TTN: variants seen among roughly 807,000 people sequenced by gnomAD.
The protein encoded by TTN is titin.
In TTN, 1,525 loss-of-function variants were observed where a neutral mutation model predicts 3,223.0. That is an observed-to-expected ratio of 0.47 (90% CI 0.45 to 0.49). The LOEUF is 0.49. Among genes scored for constraint, TTN ranks in the 20% least tolerant of loss-of-function variants. The pLI is 0.00. For missense variants in TTN, 40,786 were observed against 43,424.0 expected, an observed-to-expected ratio of 0.94 and a Z score of 5.40; for synonymous variants, 14,094 against 15,161.0, an observed-to-expected ratio of 0.93 and a Z score of 5.17.
At position 178,729,920 on chromosome 2, in the gene TTN, G is replaced by A; in HGVS notation, c.18333C>T (p.Pro6111=). ...VKEPPQFIKK[P]SPVLVLRNGQ... is the part of the protein sequence containing the mutation. ...CATTCCTCAGCACTAAGACTGGACT[G>A]GGCTTCTTAATGAATTGAGGAGGTT... The change falls in exon 63 of 363, where the codon CCC becomes CCT. Residue 6111 remains proline, a synonymous_variant. Coordinates refer to ENST00000589042, the MANE Select transcript of TTN (RefSeq NM_001267550.2). 1.2e-6 allele frequency: 2 copies of A among 1,612,814 alleles called. No individual in the cohort carries two copies. Among genetic ancestry groups the A allele is most frequent in the Non-Finnish European group, 1.7e-6 (2 of 1,179,432 alleles).
rs752142832 is a variant in TTN at position 178,607,844 on chromosome 2, T to C, written c.52943A>G (p.Asn17648Ser). 9 of 1,613,066 alleles carry C rather than the reference T, an allele frequency of 5.6e-6. No individual in the cohort carries two copies. The highest frequency in any genetic ancestry group is 1.7e-5 in the Admixed American group (1 of 59,966). The change falls in exon 276 of 363, where the codon AAT becomes AGT. Residue 17648 changes from asparagine to serine, a missense_variant. Transcript: ENST00000589042. ...TCCAGGCGGTCCTTCCCCTGCGGCA[T>C]TGACAGCACTCACCCGAAGTTTGTA... is the stretch of plus-strand genomic sequence containing the variant. ...ADYKLRVSAVNAAGEGPPGET... is the reference protein window; with the variant it reads ...ADYKLRVSAVSAAGEGPPGET...
Position 178,574,028 on chromosome 2 carries a change from A to T in TTN, c.72104T>A (p.Phe24035Tyr), listed in dbSNP as rs759861907. ...TGCTTTTAATATAACCGTGTCCTTA[A>T]ATTTAACATCCACCTTTATCTTTGG... The part of the protein sequence containing the change: ...EAPKIKVDVK[F>Y]KDTVILKAGE... Residue 24035 changes from phenylalanine to tyrosine, a missense_variant, in exon 326 of 363, where the codon TTT becomes TAT. Transcript: ENST00000589042. 3.7e-6 allele frequency: 6 copies of T among 1,613,314 alleles called. No individual in the cohort carries two copies. The highest frequency in any genetic ancestry group is 5.1e-6 in the Non-Finnish European group (6 of 1,179,616).
rs902238336 is a variant in TTN, at chr2:178,614,311, A to G, written c.49086T>C (p.Asp16362=). The change falls in exon 262 of 363, where the codon GAT becomes GAC. Residue 16362 remains aspartate, a synonymous_variant. Transcript: ENST00000589042. The part of the protein sequence containing the change: ...PGPPAAFDIT[D]VTNESCLLTW... ...TTAGAAGACATGACTCATTGGTTAC[A>G]TCTGTGATGTCAAAGGCAGCTGGTG... 1.9e-6 allele frequency: 3 copies of G among 1,612,616 alleles called. No individual in the cohort carries two copies. The highest frequency in any genetic ancestry group is 2.5e-6 in the Non-Finnish European group (3 of 1,179,258).
chr2:178,774,285 C>A lies in TTN; in HGVS notation c.6979G>T (p.Asp2327Tyr), dbSNP rs1554002409. ...RRGRQNLTVK[D>Y]VTKEDQGEYS... Reference sequence around the variant, plus strand: ...TCTCCCTGGTCCTCCTTGGTTACATCCTTGACCGTGAGGTTCTGACGTCCA... The same window carrying A: ...TCTCCCTGGTCCTCCTTGGTTACATACTTGACCGTGAGGTTCTGACGTCCA... Residue 2327 changes from aspartate to tyrosine, a missense_variant, in exon 30 of 363, where the codon GAT becomes TAT. By Grantham distance (160) the Asp-to-Tyr change is radical (BLOSUM62 -3). Coordinates refer to ENST00000589042, the MANE Select transcript of TTN (RefSeq NM_001267550.2). The A allele has an allele frequency of 1.2e-6, 2 of 1,613,952 alleles. No homozygotes were observed. Among genetic ancestry groups the A allele is most frequent in the African/African-American group, 1.3e-5 (1 of 74,914 alleles).
Position 178,575,854 on chromosome 2 carries a change from G to A in TTN, c.70278C>T (p.Gly23426=), listed in dbSNP as rs1007006087. The change falls in exon 326 of 363, where the codon GGC becomes GGT. Residue 23426 remains glycine, a synonymous_variant. Coordinates refer to ENST00000589042, the MANE Select transcript of TTN (RefSeq NM_001267550.2). This position sits in a 1 kb window ranked among gnomAD's most constrained non-coding sequence, Gnocchi z 4.0. ...TGTCCAAGACTCTGACGTTCACAAAGCCACTTTTCTTCCCAGCCGGGTTTT... is the reference window on the plus strand; with the variant it reads ...TGTCCAAGACTCTGACGTTCACAAAACCACTTTTCTTCCCAGCCGGGTTTT... ...TIENPAGKKS[G]FVNVRVLDTP... is the part of the protein sequence containing the mutation. 8.1e-6 allele frequency: 13 copies of A among 1,613,588 alleles called. No individual in the cohort carries two copies. The highest frequency in any genetic ancestry group is 1.1e-5 in the Non-Finnish European group (13 of 1,179,606).
chr2:178,704,164 G>T lies in TTN; in HGVS notation c.30206C>A (p.Ala10069Glu). 2 of 1,613,862 alleles carry T rather than the reference G, an allele frequency of 1.2e-6. No individual in the cohort carries two copies. The highest frequency in any genetic ancestry group is 1.7e-6 in the Non-Finnish European group (2 of 1,179,872). Residue 10069 changes from alanine to glutamate, a missense_variant, in exon 106 of 363, where the codon GCA (alanine) becomes GAA (glutamate). Physicochemically the swap from Ala to Glu is moderately radical, Grantham distance 107. Coordinates refer to ENST00000589042, the MANE Select transcript of TTN (RefSeq NM_001267550.2). ...TCKYEDLETS[A>E]ELRIEAEPIQ... ...TCACGCACCTTCGATTCTGAGTTCT[G>T]CTGAAGTTTCAAGGTCTTCATATTT...
At chr2:178,678,292 C>G in intron 144 of TTN, 84 bp from the exon 145 acceptor site, 1 of 1,522,674 alleles carries the variant, frequency 6.6e-7, no homozygotes, top group Non-Finnish European at 8.9e-7. Context: ...CACAAAATAT[C>G]TGACATATTT....
chr2:178,739,517 T>C lies in TTN; in HGVS notation c.13716A>G (p.Pro4572=). 1.2e-6 allele frequency: 2 copies of C among 1,613,838 alleles called. No individual in the cohort carries two copies. Among genetic ancestry groups the C allele is most frequent in the Non-Finnish European group, 1.7e-6 (2 of 1,179,812 alleles). The part of the protein sequence containing the change: ...SDEKQDESLK[P]SEEKEESSSE... ...AGGAAGACTCCTCTTTTTCCTCTGA[T>C]GGTTTCAGACTCTCATCTTGTTTTT... Residue 4572 remains proline (P), a synonymous_variant, in exon 48 of 363, where the codon CCA becomes CCG. Transcript: ENST00000589042.
At chr2:178,714,713 G>C in intron 90 of TTN, 140 bp from the exon 91 acceptor site, 1 of 1,030,858 alleles carries the variant, frequency 9.7e-7, no homozygotes, top group Admixed American at 2.9e-5. Context: ...TGCGAGCAGG[G>C]ACACATTAAA....
chr2:178,631,196 A>G lies in TTN; in HGVS notation c.43852T>C (p.Trp14618Arg), dbSNP rs1307996353. 6.2e-7 allele frequency: 1 copy of G among 1,613,060 alleles called. No individual in the cohort carries two copies. The highest frequency in any genetic ancestry group is 1.7e-5 in the Admixed American group (1 of 59,946). Residue 14618 changes from tryptophan to arginine, a missense_variant, in exon 237 of 363, where the codon TGG (tryptophan) becomes CGG (arginine). Coordinates refer to ENST00000589042, the MANE Select transcript of TTN (RefSeq NM_001267550.2). The part of the protein sequence containing the change: ...EISKADAPVK[W>R]FKDGKEIKPS... ...TTTATTTCCTTCCCATCCTTAAACCATTTCACTGGTGCATCTGCTTTGCTA... is the reference window on the plus strand; with the variant it reads ...TTTATTTCCTTCCCATCCTTAAACCGTTTCACTGGTGCATCTGCTTTGCTA...
In TTN at chr2:178,799,731, T is replaced by G. The variant is rs1433863892; in HGVS notation, c.670A>C (p.Lys224Gln). 6.2e-7 allele frequency: 1 copy of G among 1,614,170 alleles called. No individual in the cohort carries two copies. Among genetic ancestry groups the G allele is most frequent in the African/African-American group, 1.3e-5 (1 of 75,042 alleles). ...CTGGCATCAAAGTGGGCTTCAATCT[T>G]CTGTAAAAGATTAAAACAAAGCCCA... ...SESRQTRIEK[K>Q]IEAHFDARSI... Residue 224 changes from lysine (K) to glutamine (Q), a missense_variant and splice_region_variant, in exon 6 of 363, where the codon AAG becomes CAG. Lys to Gln is a moderately conservative substitution (Grantham distance 53). Transcript: ENST00000589042.
intron 290 of TTN, 24 bp downstream of exon 290, chr2:178,599,122 A>T (rs563877848): frequency 2.7e-6 from 4 of 1,508,618 alleles, no homozygotes; most frequent in South Asian, 2.8e-5. Context: ...ATGGCTTTGT[A>T]TGTGAAAATG....
Position 178,640,056 on chromosome 2 carries a change from G to A in TTN, c.40778C>T (p.Pro13593Leu), listed in dbSNP as rs1423514525. 2 of 1,612,036 alleles carry A rather than the reference G, an allele frequency of 1.2e-6. No individual in the cohort carries two copies. The highest frequency in any genetic ancestry group is 1.7e-6 in the Non-Finnish European group (2 of 1,178,740). Residue 13593 changes from proline to leucine, a missense_variant, in exon 222 of 363, where the codon CCC (proline) becomes CTC (leucine). Physicochemically the swap from Pro to Leu is moderately conservative, Grantham distance 98. Transcript: ENST00000589042. ...PLPAPEPKPKPEAEVKTIKPP... is the reference protein window; with the variant it reads ...PLPAPEPKPKLEAEVKTIKPP... ...AGGATAAGCTTGCTCACCTGCTTCG[G>A]GCTTTGGTTTCGGTTCAGGTGCAGG...
chr2:178,784,298 T>C lies in TTN; in HGVS notation c.2547A>G (p.Thr849=), dbSNP rs1554020540. ...IATLQKELSA[T]SSAQKITKSV... Reference sequence around the variant, plus strand: ...ATTTGGTGATCTTCTGAGCAGAAGATGTGGCTGACAACTCTTTTTGTAATG... The same window carrying C: ...ATTTGGTGATCTTCTGAGCAGAAGACGTGGCTGACAACTCTTTTTGTAATG... The change falls in exon 16 of 363, where the codon ACA becomes ACG. Residue 849 remains threonine, a synonymous_variant. Transcript: ENST00000589042. The C allele has an allele frequency of 6.2e-7, 1 of 1,614,140 alleles. No homozygotes were observed. The highest frequency in any genetic ancestry group is 8.5e-7 in the Non-Finnish European group (1 of 1,180,008).
chr2:178,739,812 C>G lies in TTN; in HGVS notation c.13421G>C (p.Arg4474Thr), dbSNP rs761956829. The part of the protein sequence containing the change: ...PQMANLKMEL[R>T]DALCAIIYEE... ...ATATATAATAGCACACAAAGCATCCCTAAGTTCCATTTTCAGGTTAGCCAT... is the reference window on the plus strand; with the variant it reads ...ATATATAATAGCACACAAAGCATCCGTAAGTTCCATTTTCAGGTTAGCCAT... Residue 4474 changes from arginine to threonine, a missense_variant, in exon 48 of 363, where the codon AGG (arginine) becomes ACG (threonine). Coordinates refer to ENST00000589042, the MANE Select transcript of TTN (RefSeq NM_001267550.2). 3 of 1,613,846 alleles carry G rather than the reference C, an allele frequency of 1.9e-6. No individual in the cohort carries two copies. The highest frequency in any genetic ancestry group is 2.5e-6 in the Non-Finnish European group (3 of 1,179,832).
intron 315 of TTN, 27 bp downstream of exon 315, chr2:178,581,879 A>C: frequency 6.2e-7 from 1 of 1,611,042 alleles, no homozygotes; most frequent in Non-Finnish European, 8.5e-7. Flanking sequence ...TTAACACAGG[A>C]TATGGAACTC....
chr2:178,678,857 G>A (rs763791453), intron 142 of TTN, 27 bp from the exon 143 acceptor site: 11 of 1,559,152 alleles, frequency 7.1e-6, no homozygotes, highest in Non-Finnish European at 7.8e-6. Flanking sequence ...TAGAGTTAGT[G>A]TCACATTTTT....
intron 259 of TTN, 102 bp from the exon 260 acceptor site, chr2:178,615,070 A>G (rs1438080887): frequency 1.8e-6 from 2 of 1,085,966 alleles, no homozygotes; most frequent in Admixed American, 2.7e-5. Flanking sequence ...GTATAATACT[A>G]GTCTTTAAAT....
At position 178,632,661 on chromosome 2, in the gene TTN, C is replaced by G. The variant is rs1485328319; in HGVS notation, c.43345G>C (p.Gly14449Arg). 2 of 1,613,292 alleles carry G rather than the reference C, an allele frequency of 1.2e-6. No individual in the cohort carries two copies. Among genetic ancestry groups the G allele is most frequent in the Admixed American group, 3.3e-5 (2 of 59,948 alleles). Residue 14449 changes from glycine (G) to arginine (R), a missense_variant, in exon 235 of 363, where the codon GGT becomes CGT. Gly to Arg is a moderately radical substitution (Grantham distance 125). Coordinates refer to ENST00000589042, the MANE Select transcript of TTN (RefSeq NM_001267550.2). ...TTTATAAGCTCAAATCTGTCATCACCTGTGATTTCCTGGGTTCCTTTTAGC... is the reference window on the plus strand; with the variant it reads ...TTTATAAGCTCAAATCTGTCATCACGTGTGATTTCCTGGGTTCCTTTTAGC... The part of the protein sequence containing the change: ...RWLKGTQEIT[G>R]DDRFELIKDG...
Sources: gnomAD v4.1 joint callset for allele counts on GRCh38, gnomAD v4.1.1 for gene constraint, Gnocchi (gnomAD v3.1) non-coding constraint, MANE v1.5 for transcripts, NCBI Gene and HGNC (gene_info 2026-07-23, HGNC 2026-07-21) for gene names.